LDLRAD4: variants seen among roughly 807,000 people sequenced by gnomAD.
The protein encoded by LDLRAD4 is low density lipoprotein receptor class A domain containing 4, also known as low-density lipoprotein receptor class A domain-containing protein 4.
LDLRAD4 carries 5 observed loss-of-function variants against 17.0 expected under a neutral mutation model. The observed-to-expected ratio is 0.29, with a 90% confidence interval of 0.15 to 0.62. LDLRAD4 has a LOEUF of 0.62. Among genes scored for constraint, LDLRAD4 ranks in the 20% least tolerant of loss-of-function variants. LDLRAD4 has a pLI of 0.84. For synonymous variants in LDLRAD4, 168 were observed against 171.8 expected (o/e 0.98, Z 0.17); for missense variants, 340 against 424.7 (o/e 0.80, Z 1.75).
chr18:13,486,304 C>G (rs2093221191), intron 3 of LDLRAD4, among the ~76,000 whole-genome samples: 1 of 152,178 alleles, frequency 6.6e-6, no homozygotes, highest in Non-Finnish European at 1.5e-5. Flanking sequence ...GTGACTTTCC[C>G]CCTTACTGAA....
chr18:13,443,784 C>T (rs111784455), intron 3 of LDLRAD4, among the ~76,000 whole-genome samples: 22 of 151,898 alleles, frequency 1.4e-4, no homozygotes, highest in East Asian at 2.0e-4. Context: ...CTGCAGTTTC[C>T]GTACTCTGGA....
intron 1 of LDLRAD4, among the ~76,000 whole-genome samples, chr18:13,329,283 A>T (rs1568013830): frequency 6.6e-6 from 1 of 152,238 alleles, no homozygotes; most frequent in African/African-American, 2.4e-5. Flanking sequence ...GCAACATACT[A>T]GAGGCCTGTT....
At chr18:13,456,304 G>A (rs571280846) in intron 3 of LDLRAD4, among the ~76,000 whole-genome samples, 21 of 151,434 alleles carry the variant, frequency 1.4e-4, no homozygotes, top group Admixed American at 4.6e-4. Flanking sequence ...CTTCCTGAGC[G>A]TGCCACATCT....
At chr18:13,424,601 T>C (rs559114724) in intron 2 of LDLRAD4, among the ~76,000 whole-genome samples, 1 of 152,226 alleles carries the variant, frequency 6.6e-6, no homozygotes, top group South Asian at 2.1e-4. Flanking sequence ...CGGGTTGCCA[T>C]GGGAACATGG....
chr18:13,585,818 T>C (rs1646318318), intron 3 of LDLRAD4, among the ~76,000 whole-genome samples: 4 of 152,172 alleles, frequency 2.6e-5, no homozygotes, highest in South Asian at 2.1e-4. Context: ...AAGCTCTGTG[T>C]TGGAAAGAAT....
chr18:13,359,545 A>G (rs2083539531), intron 1 of LDLRAD4, among the ~76,000 whole-genome samples: 1 of 152,164 alleles, frequency 6.6e-6, no homozygotes, highest in Admixed American at 6.5e-5. Flanking sequence ...TTACCTGCTA[A>G]CTCCAATACT....
intron 1 of LDLRAD4, among the ~76,000 whole-genome samples, chr18:13,320,352 G>A (rs975267548): frequency 2.6e-5 from 4 of 152,188 alleles, no homozygotes; most frequent in Admixed American, 6.5e-5. Context: ...CGTTTCCGCT[G>A]CCTCTCATCT....
At chr18:13,623,711 A>G (rs779461626) in intron 4 of LDLRAD4, among the ~76,000 whole-genome samples, 13 of 152,156 alleles carry the variant, frequency 8.5e-5, no homozygotes, top group Non-Finnish European at 1.3e-4. Flanking sequence ...AGAAACCTCC[A>G]TTCTCTCCTG....
intron 1 of LDLRAD4, among the ~76,000 whole-genome samples, chr18:13,254,950 C>T (rs995235212): frequency 7.9e-5 from 12 of 152,146 alleles, no homozygotes; most frequent in African/African-American, 1.4e-4. Context: ...GGCAACAGAA[C>T]GGGACCCTGT....
At chr18:13,313,264 C>G (rs7241410) in intron 1 of LDLRAD4, among the ~76,000 whole-genome samples, 55,669 of 152,038 alleles carry the variant, frequency 0.37, 10,956 homozygotes, top group African/African-American at 0.51. Context: ...GTGACCTATG[C>G]CTGACCTGCT....
chr18:13,270,345 A>T (rs2044460476), intron 1 of LDLRAD4, among the ~76,000 whole-genome samples: 1 of 150,330 alleles, frequency 6.7e-6, no homozygotes, highest in Admixed American at 6.7e-5. Flanking sequence ...AGCCTGGGTG[A>T]CTCTGTCTCT....
At chr18:13,537,458 A>G (rs924247865) in intron 3 of LDLRAD4, among the ~76,000 whole-genome samples, 5 of 152,196 alleles carry the variant, frequency 3.3e-5, no homozygotes, top group Middle Eastern at 3.4e-3. Flanking sequence ...GGAGCATGCA[A>G]CCTAGATCCC....
At chr18:13,283,120 T>C (rs2045387217) in intron 1 of LDLRAD4, among the ~76,000 whole-genome samples, 1 of 152,154 alleles carries the variant, frequency 6.6e-6, no homozygotes, top group South Asian at 2.1e-4. Flanking sequence ...CAAAACCACT[T>C]TTTCTTTCTG....
At chr18:13,610,782 T>A (rs962226393) in intron 3 of LDLRAD4, among the ~76,000 whole-genome samples, 4 of 152,094 alleles carry the variant, frequency 2.6e-5, no homozygotes, top group African/African-American at 7.2e-5. Flanking sequence ...TGGCTGCAGC[T>A]TCTAATTCTT....
At chr18:13,222,568 G>A (rs1254998860) in intron 1 of LDLRAD4, among the ~76,000 whole-genome samples, 5 of 152,208 alleles carry the variant, frequency 3.3e-5, no homozygotes, top group African/African-American at 4.8e-5. Flanking sequence ...CTCTGCAGCC[G>A]GCGGCCGGCT....
intron 3 of LDLRAD4, chr18:13,613,755 G>A (rs144872479): frequency 1.3e-5 from 2 of 152,250 alleles, no homozygotes; most frequent in African/African-American, 2.4e-5. Flanking sequence ...AGTCCGTCCA[G>A]TCATCACGGG....
chr18:13,527,873 C>A (rs533692481), intron 3 of LDLRAD4, among the ~76,000 whole-genome samples: 1 of 152,322 alleles, frequency 6.6e-6, no homozygotes, highest in South Asian at 2.1e-4. Flanking sequence ...GCTGCCACTC[C>A]TGCAGCACCC....
At chr18:13,571,509 A>G (rs1338407074) in intron 3 of LDLRAD4, among the ~76,000 whole-genome samples, 2 of 152,234 alleles carry the variant, frequency 1.3e-5, no homozygotes, top group African/African-American at 2.4e-5. Flanking sequence ...CATCCCCAGC[A>G]GGGTCAGAGA....
intron 1 of LDLRAD4, among the ~76,000 whole-genome samples, chr18:13,361,179 G>T (rs941850945): frequency 4.6e-5 from 7 of 152,070 alleles, no homozygotes; most frequent in African/African-American, 1.7e-4. Flanking sequence ...CTGGGTTCAC[G>T]CCATTCTCCC....
Sources: allele counts gnomAD v4.1 joint callset (sites outside exome capture counted in the v4.1 genomes callset), GRCh38; gene constraint gnomAD v4.1.1; transcripts MANE v1.5; gene names NCBI Gene and HGNC (gene_info 2026-07-23, HGNC 2026-07-21).